Variants in EEFSEC observed in about 807,000 individuals in gnomAD.
The protein encoded by EEFSEC is selenocysteine-specific elongation factor.
Under a neutral mutation model 42.1 loss-of-function variants are expected in EEFSEC, and 43 were observed. The ratio of observed to expected loss-of-function variants is 1.02; its 90% confidence interval spans 0.80 to 1.32. The LOEUF (loss-of-function observed/expected upper bound fraction) is 1.32. EEFSEC is among the 40% of genes most tolerant of loss of function. The pLI, the probability that EEFSEC is intolerant of heterozygous loss-of-function variation, is 0.00. For missense variants in EEFSEC, 745 were observed against 803.6 expected, an observed-to-expected ratio of 0.93 and a Z score of 0.88; for synonymous variants, 354 against 339.1, an observed-to-expected ratio of 1.04 and a Z score of -0.48.
intron 1 of EEFSEC, among the ~76,000 whole-genome samples, chr3:128,157,414 A>G (rs1020711575): frequency 3.3e-5 from 5 of 152,238 alleles, no homozygotes; most frequent in Admixed American, 6.5e-5. Context: ...TTCACTGTAG[A>G]TGGAACAGCC....
At chr3:128,406,161 A>G (rs145870173) in intron 6 of EEFSEC, among the ~76,000 whole-genome samples, 24 of 152,376 alleles carry the variant, frequency 1.6e-4, no homozygotes, top group African/African-American at 5.5e-4. Flanking sequence ...CCACAGATGC[A>G]GAGGAGCCTG....
chr3:128,300,578 A>G lies in EEFSEC; in HGVS notation c.786+35797A>G, dbSNP rs546651445. On this transcript the variant is annotated intron_variant, in intron 4 of 6. Transcript: ENST00000254730. ...AAAAAAAAAAGGCCAGTGTGATGAA[A>G]TATACTATTAATATATTATTAATGG... Among the ~76,000 whole-genome samples, 3 of 151,274 alleles carry G rather than the reference A, an allele frequency of 2.0e-5. No homozygotes were observed. The East Asian group carries it at 5.8e-4, about 29-fold the overall frequency.
intron 6 of EEFSEC, among the ~76,000 whole-genome samples, chr3:128,400,579 T>G (rs1333286640): frequency 6.6e-6 from 1 of 151,946 alleles, no homozygotes; most frequent in Non-Finnish European, 1.5e-5. Flanking sequence ...AGTGCTGGAG[T>G]GACTAGAGCG....
rs1288820453 is a variant in EEFSEC, at chr3:128,372,147, GAT to G, written c.1600+13776_1600+13777del. Among the ~76,000 whole-genome samples the G allele has an allele frequency of 2.0e-5, 3 of 152,356 alleles. No homozygotes were observed. The East Asian group carries it at 5.8e-4, about 29-fold the overall frequency. ...CTAAATAAAGTCAGCAGAGTGAACT[GAT>G]AAAACAATTAACATTTTAGGCAGTG... is the stretch of plus-strand genomic sequence containing the variant. On this transcript the variant is annotated intron_variant, in intron 6 of 6. Transcript: ENST00000254730.
At chr3:128,347,568 C>A (rs1378499033) in intron 5 of EEFSEC, among the ~76,000 whole-genome samples, 1 of 151,778 alleles carries the variant, frequency 6.6e-6, no homozygotes, top group Non-Finnish European at 1.5e-5. Context: ...TTGATTAAAC[C>A]AACAAAAATA....
chr3:128,416,600 T>A, the EEFSEC span, among the ~76,000 whole-genome samples: 1 of 150,856 alleles, frequency 6.6e-6, no homozygotes. Context: ...AGAGTGGGAG[T>A]GGGGTGGCAG....
At chr3:128,215,915 T>G (rs1200933426) in intron 1 of EEFSEC, among the ~76,000 whole-genome samples, 1 of 152,112 alleles carries the variant, frequency 6.6e-6, no homozygotes, top group Non-Finnish European at 1.5e-5. Context: ...TGGCCAGCTC[T>G]AGGTCCCACG....
At chr3:128,399,127 C>T (rs1240167704) in intron 6 of EEFSEC, among the ~76,000 whole-genome samples, 3 of 152,180 alleles carry the variant, frequency 2.0e-5, no homozygotes, top group African/African-American at 7.2e-5. Flanking sequence ...ACCCTTCCAT[C>T]CGCATAATGC....
intron 1 of EEFSEC, among the ~76,000 whole-genome samples, chr3:128,203,818 A>G (rs1327106102): frequency 1.3e-5 from 2 of 152,244 alleles, no homozygotes; most frequent in Non-Finnish European, 2.9e-5. Context: ...CCACTGTTAT[A>G]CTTGGCCAGT....
chr3:128,170,669 A>T (rs1176267031), intron 1 of EEFSEC, among the ~76,000 whole-genome samples: 9 of 152,230 alleles, frequency 5.9e-5, no homozygotes. Context: ...GCAACCTGGC[A>T]TCCCCCTAAC....
chr3:128,311,648 C>G (rs2066891419), intron 4 of EEFSEC, among the ~76,000 whole-genome samples: 1 of 152,230 alleles, frequency 6.6e-6, no homozygotes. Context: ...CGGTAGCACT[C>G]TTTCTTTTGT....
chr3:128,153,533 A>C lies in EEFSEC; in HGVS notation c.26A>C (p.Asn9Thr). Residue 9 changes from asparagine to threonine, a missense_variant, in exon 1 of 7, where the codon AAC (asparagine) becomes ACC (threonine). Coordinates refer to ENST00000254730, the MANE Select transcript of EEFSEC (RefSeq NM_021937.5). Reference protein sequence around the residue: MAGRRVNVNVGVLGHIDSG... With the variant: MAGRRVNVTVGVLGHIDSG... Reference sequence around the variant, plus strand: ...ATGGCAGGGCGGCGGGTGAACGTGAACGTGGGCGTGCTGGGCCACATCGAC... The same window carrying C: ...ATGGCAGGGCGGCGGGTGAACGTGACCGTGGGCGTGCTGGGCCACATCGAC... 3.9e-6 allele frequency: 6 copies of C among 1,519,662 alleles called. No individual in the cohort carries two copies. The highest frequency in any genetic ancestry group is 5.3e-6 in the Non-Finnish European group (6 of 1,140,000). The allele number at this position is 1,519,662 out of a possible 1,614,324, so 94.1% of individuals were successfully genotyped here.
At chr3:128,248,232 A>C (rs546201439) in intron 2 of EEFSEC, among the ~76,000 whole-genome samples, 17 of 152,318 alleles carry the variant, frequency 1.1e-4, no homozygotes, top group Non-Finnish European at 1.8e-4. Context: ...CCTCTTTGCT[A>C]TGCAGCCTGA....
chr3:128,306,558 G>A (rs2066829493), intron 4 of EEFSEC, among the ~76,000 whole-genome samples: 1 of 151,972 alleles, frequency 6.6e-6, no homozygotes, highest in African/African-American at 2.4e-5. Flanking sequence ...GAGTCATTTT[G>A]TTTTAGATGT....
At chr3:128,293,402 C>A (rs2066664746) in intron 4 of EEFSEC, among the ~76,000 whole-genome samples, 2 of 152,118 alleles carry the variant, frequency 1.3e-5, no homozygotes, top group Non-Finnish European at 2.9e-5. Context: ...TTTGCTAATG[C>A]CTTTAAAAAC....
chr3:128,172,527 G>A (rs1159898910), intron 1 of EEFSEC, among the ~76,000 whole-genome samples: 3 of 152,158 alleles, frequency 2.0e-5, no homozygotes, highest in African/African-American at 4.8e-5. Context: ...TCAAACTCCT[G>A]GGCTCAAGTG....
At chr3:128,415,466 C>CTT in the EEFSEC span, among the ~76,000 whole-genome samples, 99,895 of 151,600 alleles carry the variant, frequency 0.66, 35,728 homozygotes, top group East Asian at 0.98. Context: ...AGGCAACCCG[C>CTT]CTCAGATGCA....
At chr3:128,272,859 T>C (rs931226531) in intron 4 of EEFSEC, among the ~76,000 whole-genome samples, 4 of 152,142 alleles carry the variant, frequency 2.6e-5, no homozygotes, top group Non-Finnish European at 2.9e-5. Context: ...AAATGCAGAA[T>C]AGACATCAGG....
intron 1 of EEFSEC, among the ~76,000 whole-genome samples, chr3:128,170,943 A>G (rs2065289864): frequency 6.6e-6 from 1 of 152,146 alleles, no homozygotes; most frequent in African/African-American, 2.4e-5. Flanking sequence ...TTATCTTGAA[A>G]TCTATCTCAT....
Sources: allele counts gnomAD v4.1 joint callset (sites outside exome capture counted in the v4.1 genomes callset), GRCh38; gene constraint gnomAD v4.1.1; transcripts MANE v1.5; gene names NCBI Gene and HGNC (gene_info 2026-07-23, HGNC 2026-07-21).